Variants in PDK1 observed in about 807,000 individuals in gnomAD.
The protein encoded by PDK1 is pyruvate dehydrogenase kinase 1.
PDK1 carries 39 observed loss-of-function variants against 54.2 expected under a neutral mutation model. The ratio of observed to expected loss-of-function variants is 0.72; its 90% CI spans 0.56 to 0.94. The LOEUF (loss-of-function observed/expected upper bound fraction) is 0.94, where lower values mean the gene tolerates loss of function less well. Among genes scored for constraint, PDK1 ranks in the 40% least tolerant of loss-of-function variants. The pLI is 0.00. For synonymous variants in PDK1, 221 were observed against 207.1 expected (o/e 1.07, Z -0.58); for missense variants, 552 against 566.0 (o/e 0.98, Z 0.25).
the PDK1 span, among the ~76,000 whole-genome samples, chr2:172,721,947 C>T: frequency 2.0e-5 from 3 of 152,224 alleles, no homozygotes; most frequent in East Asian, 5.8e-4. Flanking sequence ...CCATTGGGAA[C>T]AGTTGGCTCT....
the PDK1 span, among the ~76,000 whole-genome samples, chr2:172,667,614 C>T: frequency 1.3e-5 from 2 of 152,156 alleles, no homozygotes; most frequent in South Asian, 2.1e-4. Flanking sequence ...GCATGGTTTT[C>T]GCAAATATTA....
At chr2:172,587,885 C>T (rs1032458924) in intron 9 of PDK1, among the ~76,000 whole-genome samples, 2 of 152,132 alleles carry the variant, frequency 1.3e-5, no homozygotes, top group Admixed American at 6.5e-5. Flanking sequence ...AGTCCCCACC[C>T]GATTAGCTAG....
At chr2:172,701,435 T>C in the PDK1 span, among the ~76,000 whole-genome samples, 29 of 152,284 alleles carry the variant, frequency 1.9e-4, 1 homozygote, top group East Asian at 5.2e-3. Context: ...ATAAAGTTTG[T>C]TGGAGTGGAG....
At chr2:172,723,379 A>AT in the PDK1 span, 2 of 152,194 alleles carry the variant, frequency 1.3e-5, no homozygotes, top group South Asian at 2.1e-4. Flanking sequence ...CACATTAGAG[A>AT]TTTTTTATTT....
chr2:172,582,087 ATTTT>A (rs1387517552), intron 8 of PDK1, among the ~76,000 whole-genome samples: 1 of 151,984 alleles, frequency 6.6e-6, no homozygotes, highest in Non-Finnish European at 1.5e-5. Context: ...TAATTTTTGT[ATTTT>A]TAGTAGAGAC....
the PDK1 span, among the ~76,000 whole-genome samples, chr2:172,710,896 A>G: frequency 6.6e-6 from 1 of 152,242 alleles, no homozygotes; most frequent in South Asian, 2.1e-4. Flanking sequence ...TCATGCCACT[A>G]AACAATTACA....
the PDK1 span, among the ~76,000 whole-genome samples, chr2:172,640,709 T>C: frequency 6.6e-6 from 1 of 151,990 alleles, no homozygotes; most frequent in African/African-American, 2.4e-5. Context: ...TTGTTAGAGG[T>C]GATAATATGT....
At chr2:172,586,877 A>C (rs2149277411) in intron 9 of PDK1, among the ~76,000 whole-genome samples, 1 of 152,256 alleles carries the variant, frequency 6.6e-6, no homozygotes, top group East Asian at 1.9e-4. Context: ...GTGTTTTGTT[A>C]ATCTTAGTTC....
chr2:172,569,695 C>A (rs569930705), intron 7 of PDK1, among the ~76,000 whole-genome samples: 11 of 152,294 alleles, frequency 7.2e-5, no homozygotes, highest in African/African-American at 2.6e-4. Context: ...TAATACCTTA[C>A]AAAATCTTTT....
the PDK1 span, among the ~76,000 whole-genome samples, chr2:172,634,216 G>T: frequency 7.2e-6 from 1 of 139,146 alleles, no homozygotes; most frequent in African/African-American, 2.6e-5. Flanking sequence ...TCAGCATTAT[G>T]TTTTTTAGTT....
In PDK1 at chr2:172,570,772, A is replaced by C; in HGVS notation, c.893A>C (p.Tyr298Ser). Residue 298 changes from tyrosine to serine, a missense_variant, in exon 8 of 11, where the codon TAC becomes TCC. Tyr to Ser is a moderately radical substitution (Grantham distance 144, BLOSUM62 -2). Transcript: ENST00000282077. ...GAACACCATGCCAACAGAGGTGTTT[A>C]CCCCCCTATTCAAGTTCATGTCACG... is the stretch of plus-strand genomic sequence containing the variant. ...TMEHHANRGVYPPIQVHVTLG... is the reference protein window; with the variant it reads ...TMEHHANRGVSPPIQVHVTLG... 1 of 1,611,996 alleles carries C rather than the reference A, an allele frequency of 6.2e-7. No individual in the cohort carries two copies. The highest frequency in any genetic ancestry group is 8.5e-7 in the Non-Finnish European group (1 of 1,178,418).
chr2:172,612,487 A>G (rs1419825022), downstream of PDK1, among the ~76,000 whole-genome samples: 1 of 152,094 alleles, frequency 6.6e-6, no homozygotes, highest in Non-Finnish European at 1.5e-5. Flanking sequence ...TTTTTTTTAA[A>G]CATTTTCAAG....
chr2:172,709,882 G>A, the PDK1 span, among the ~76,000 whole-genome samples: 1 of 151,958 alleles, frequency 6.6e-6, no homozygotes, highest in Non-Finnish European at 1.5e-5. Flanking sequence ...ATCGCTCAGT[G>A]ATAAACCCAC....
chr2:172,556,443 C>T lies in PDK1; in HGVS notation c.196+97C>T. On this transcript the variant is annotated intron_variant, in intron 1 of 10. Transcript: ENST00000282077. The stretch of plus-strand genomic sequence containing the variant: ...CGGGTCGGCGCCGGCCAGCTCTCGC[C>T]TGAGGCGCACCCCTCCTCCTCAGCG... 1.2e-5 allele frequency: 10 copies of T among 845,148 alleles called. No homozygotes were observed. In the South Asian group the frequency reaches 2.2e-4, roughly 19 times the overall value. The allele number at this position is 845,148 out of a possible 1,614,324, so 52.4% of individuals were successfully genotyped here. A position where few individuals can be genotyped will look rare whatever the true frequency, so the allele number is the denominator to read the frequency against.
the PDK1 span, among the ~76,000 whole-genome samples, chr2:172,622,809 GTA>G: frequency 7.2e-6 from 1 of 139,202 alleles, no homozygotes; most frequent in Admixed American, 7.0e-5. Flanking sequence ...TATATATTAT[GTA>G]TATGTTTATA....
chr2:172,637,275 A>G, the PDK1 span, among the ~76,000 whole-genome samples: 35 of 152,200 alleles, frequency 2.3e-4, no homozygotes, highest in African/African-American at 7.7e-4. Context: ...TCTGGAACAC[A>G]TTTTCTGTTG....
the PDK1 span, among the ~76,000 whole-genome samples, chr2:172,701,261 G>C: frequency 2.0e-5 from 3 of 152,070 alleles, no homozygotes; most frequent in African/African-American, 7.2e-5. Flanking sequence ...ATCCACATTT[G>C]TGTGTCAAAG....
At chr2:172,616,793 G>T in the PDK1 span, among the ~76,000 whole-genome samples, 1 of 152,072 alleles carries the variant, frequency 6.6e-6, no homozygotes, top group East Asian at 1.9e-4. Flanking sequence ...ATCTAAATTG[G>T]CTAGTAGTAG....
the PDK1 span, among the ~76,000 whole-genome samples, chr2:172,721,016 C>A: frequency 2.6e-5 from 4 of 152,174 alleles, no homozygotes; most frequent in Non-Finnish European, 5.9e-5. Flanking sequence ...TCTGTGGCTC[C>A]CAGACAAACC....
Sources: allele counts gnomAD v4.1 joint callset (sites outside exome capture counted in the v4.1 genomes callset), GRCh38; gene constraint gnomAD v4.1.1; transcripts MANE v1.5; gene names NCBI Gene and HGNC (gene_info 2026-07-23, HGNC 2026-07-21).